BCL9L: variants seen among roughly 807,000 people sequenced by gnomAD.
BCL9L encodes BCL9 like, also known as B-cell CLL/lymphoma 9-like protein.
Under a neutral mutation model 99.4 loss-of-function variants are expected in BCL9L, and 19 were observed. The ratio of observed to expected loss-of-function variants is 0.19; its 90% CI spans 0.13 to 0.28. The LOEUF is 0.28. Among genes scored for constraint, BCL9L ranks in the 10% least tolerant of loss-of-function variants. The pLI is 1.00. For missense variants in BCL9L, 2,023 were observed against 2,101.6 expected, an observed-to-expected ratio of 0.96 and a Z score of 0.73; for synonymous variants, 900 against 854.8, an observed-to-expected ratio of 1.05 and a Z score of -0.92.
rs758843207 is a variant in BCL9L, at chr11:118,901,411, T to C, written c.2332A>G (p.Met778Val). Residue 778 changes from methionine to valine, a missense_variant, in exon 8 of 10, where the codon ATG (methionine) becomes GTG (valine). By Grantham distance (21) the Met-to-Val change is conservative. This residue lies in a region of BCL9L where 1,116 missense variants were observed against 1,194.6 expected (regional missense o/e 0.93). Transcript: ENST00000683865. This position sits in a 1 kb window ranked among gnomAD's most constrained non-coding sequence, Gnocchi z 6.6. The stretch of plus-strand genomic sequence containing the variant: ...ACGTTCAGGTTCATGTTCATGTTCA[T>C]GTTGACATTCATGTTCATGTTGAGG... Reference protein sequence around the residue: ...GNLNMNMNVNMNMNMNLNVQM... With the variant: ...GNLNMNMNVNVNMNMNLNVQM... 1 of 1,614,024 alleles carries C rather than the reference T, an allele frequency of 6.2e-7. No individual in the cohort carries two copies. The highest frequency in any genetic ancestry group is 1.3e-5 in the African/African-American group (1 of 75,038).
Position 118,896,885 on chromosome 11 carries a change from G to A in BCL9L, c.*1530C>T, listed in dbSNP as rs1939942112. ...AGGAAAGGAAGTGAGAAAAGGAGAA[G>A]TTTTTTTACTCCTGGGGCCAAAGTA... On this transcript the variant is annotated 3_prime_UTR_variant, in exon 10 of 10. Coordinates refer to ENST00000683865, the MANE Select transcript of BCL9L (RefSeq NM_001378213.1). 1 of 152,730 alleles carries A rather than the reference G, an allele frequency of 6.5e-6. No homozygotes were observed. The highest frequency in any genetic ancestry group is 6.5e-5 in the Admixed American group (1 of 15,292). 9.5% of individuals were successfully genotyped at this position (152,730 alleles called of 1,614,324 possible).
chr11:118,903,175 C>G lies in BCL9L; in HGVS notation c.749+61G>C. On this transcript the variant is annotated intron_variant, in intron 6 of 9. Transcript: ENST00000683865. The surrounding 1 kb of genome is among the most constrained non-coding windows in gnomAD (Gnocchi z 5.6). Reference sequence around the variant, plus strand: ...CCCTGCACGGGGCTCCCTCGGAACCCCAGGCTGAGAGGTGCTGGGCAGAGA... The same window carrying G: ...CCCTGCACGGGGCTCCCTCGGAACCGCAGGCTGAGAGGTGCTGGGCAGAGA... 1 of 1,569,010 alleles carries G rather than the reference C, an allele frequency of 6.4e-7. No homozygotes were observed. Among genetic ancestry groups the G allele is most frequent in the Non-Finnish European group, 8.6e-7 (1 of 1,156,822 alleles).
chr11:118,910,961 C>A, intron 2 of BCL9L: 1 of 257,902 alleles, frequency 3.9e-6, no homozygotes, highest in South Asian at 3.5e-5. Flanking sequence ...GAGCGGGAGG[C>A]GCGGAGACAG....
In BCL9L at chr11:118,899,943, G is replaced by C. The variant is rs139987150; in HGVS notation, c.3380C>G (p.Pro1127Arg). The C allele has an allele frequency of 5.0e-6, 8 of 1,611,760 alleles. No homozygotes were observed. The African/African-American group carries it at 5.3e-5, about 11-fold the overall frequency. The change falls in exon 9 of 10, where the codon CCA becomes CGA. Residue 1127 changes from proline (P) to arginine (R), a missense_variant. Pro to Arg is a moderately radical substitution (Grantham distance 103, BLOSUM62 -2). Transcript: ENST00000683865. Reference sequence around the variant, plus strand: ...TGGCCCGGAGCCCTGCGGTGGTGGTGGGGGGGGCAGCAGGGGCCGGTCGGG... The same window carrying C: ...TGGCCCGGAGCCCTGCGGTGGTGGTCGGGGGGGCAGCAGGGGCCGGTCGGG... ...LLPDRPLLPP[P>R]PPPQGSGPGI...
intron 1 of BCL9L, among the ~76,000 whole-genome samples, chr11:118,920,268 C>T (rs978155317): frequency 2.0e-5 from 3 of 152,300 alleles, no homozygotes; most frequent in Middle Eastern, 3.4e-3. Context: ...TCTGCTATCA[C>T]CGTCCTTGCT....
Position 118,902,702 on chromosome 11 carries a change from CCCA to C in BCL9L, c.1038_1040del (p.Gly347del). 6.3e-7 allele frequency: 1 copy of C among 1,599,018 alleles called. No individual in the cohort carries two copies. The highest frequency in any genetic ancestry group is 8.5e-7 in the Non-Finnish European group (1 of 1,179,636). On this transcript the variant is annotated inframe_deletion, in exon 8 of 10. Coordinates refer to ENST00000683865, the MANE Select transcript of BCL9L (RefSeq NM_001378213.1). This position sits in a 1 kb window ranked among gnomAD's most constrained non-coding sequence, Gnocchi z 7.8. ...GGGTGTTAGGGTGGGTGCCCCCAGT[CCCA>C]CCACCTGTGCTGGCAGCTCCCACCG...
At position 118,914,392 on chromosome 11, in the gene BCL9L, G is replaced by C. The variant is rs1041442745; in HGVS notation, c.-76-4377C>G. Among the ~76,000 whole-genome samples, 1 of 152,166 alleles carries C rather than the reference G, an allele frequency of 6.6e-6. No individual in the cohort carries two copies. Among genetic ancestry groups the C allele is most frequent in the African/African-American group, 2.4e-5 (1 of 41,426 alleles). On this transcript the variant is annotated intron_variant, in intron 2 of 9. Transcript: ENST00000683865. The surrounding 1 kb of genome is among the most constrained non-coding windows in gnomAD (Gnocchi z 4.4). ...GACCTCACCCAGCGCCCGCCCGCCT[G>C]CCTGCCTGCTCTGCTCTCTCCCCAG...
chr11:118,902,300 GC>G lies in BCL9L; in HGVS notation c.1442del (p.Gly481AlafsTer21). 1 of 1,568,658 alleles carries G rather than the reference GC, an allele frequency of 6.4e-7. No individual in the cohort carries two copies. On this transcript the variant is annotated frameshift_variant, in exon 8 of 10. Transcript: ENST00000683865. LOFTEE classifies it high-confidence loss of function. The surrounding 1 kb of genome is among the most constrained non-coding windows in gnomAD (Gnocchi z 7.8). ...SMISQTQSLGGPPLEHEVPGH... is the reference protein window; with the variant it reads ...SMISQTQSLGXPPLEHEVPGH... ...CAGGCACTTCATGCTCCAGCGGGGG[GC>G]CCCCTAGGCTCTGTGTCTGTGAAAT...
intron 2 of BCL9L, among the ~76,000 whole-genome samples, chr11:118,913,513 G>T (rs1192072753): frequency 6.6e-6 from 1 of 152,136 alleles, no homozygotes; most frequent in African/African-American, 2.4e-5. Context: ...TGGCAGTGGG[G>T]TGCCCCCAAA....
chr11:118,918,594 C>G (rs1941045633), intron 2 of BCL9L, among the ~76,000 whole-genome samples: 2 of 151,958 alleles, frequency 1.3e-5, no homozygotes, highest in South Asian at 4.2e-4. Context: ...GGCCCCACTC[C>G]CCACCTGACT....
At chr11:118,907,373 A>G in intron 5 of BCL9L, 110 bp downstream of exon 5, 9 of 1,554,714 alleles carry the variant, frequency 5.8e-6, no homozygotes, top group Non-Finnish European at 7.9e-6. Context: ...AGGATGGGAG[A>G]GAAAAATCCA....
chr11:118,910,167 A>C (rs1306690531), intron 2 of BCL9L, 152 bp from the exon 3 acceptor site: 1 of 595,566 alleles, frequency 1.7e-6, no homozygotes, highest in East Asian at 2.9e-5. Context: ...TGGGGTCTCG[A>C]TCCTGGAGGC....
chr11:118,907,748 GCCC>G, intron 4 of BCL9L, 146 bp from the exon 5 acceptor site: 1 of 1,279,120 alleles, frequency 7.8e-7, no homozygotes, highest in Non-Finnish European at 1.1e-6. Flanking sequence ...CCAGCCCGTG[GCCC>G]CCACCACGCC....
chr11:118,908,417 G>A lies in BCL9L; in HGVS notation c.265C>T (p.Pro89Ser), dbSNP rs1040329955. 1 of 1,614,072 alleles carries A rather than the reference G, an allele frequency of 6.2e-7. No individual in the cohort carries two copies. The highest frequency in any genetic ancestry group is 8.5e-7 in the Non-Finnish European group (1 of 1,179,942). The change falls in exon 4 of 10, where the codon CCT (proline) becomes TCT (serine). Residue 89 changes from proline to serine, a missense_variant. By Grantham distance (74) the Pro-to-Ser change is moderately conservative. This residue lies in a region of BCL9L where 1,116 missense variants were observed against 1,194.6 expected (regional missense o/e 0.93). Transcript: ENST00000683865. ...NHGAKANQIS[P>S]SNSSLKNPQA... ...GGGTTCTTCAGACTTGAGTTGCTAG[G>A]CGAGATCTGGTTGGCCTTGGCCCCA...
chr11:118,899,933 CGGT>C lies in BCL9L; in HGVS notation c.3387_3389del (p.Pro1130del). The C allele has an allele frequency of 1.2e-6, 2 of 1,612,952 alleles. No homozygotes were observed. Among genetic ancestry groups the C allele is most frequent in the Middle Eastern group, 1.7e-4 (1 of 5,994 alleles). On this transcript the variant is annotated inframe_deletion, in exon 9 of 10. Transcript: ENST00000683865. ...TCCTCGCACCTGGCCCGGAGCCCTG[CGGT>C]GGTGGTGGGGGGGGCAGCAGGGGCC...
At chr11:118,917,778 C>T (rs1205111244) in intron 2 of BCL9L, among the ~76,000 whole-genome samples, 1 of 152,206 alleles carries the variant, frequency 6.6e-6, no homozygotes, top group African/African-American at 2.4e-5. Flanking sequence ...CCCCCAGCCC[C>T]GCCCAACTCC....
chr11:118,906,767 C>T (rs535450855), intron 5 of BCL9L, among the ~76,000 whole-genome samples: 7 of 152,140 alleles, frequency 4.6e-5, no homozygotes, highest in South Asian at 2.1e-4. Flanking sequence ...AGCAATTCTC[C>T]GGTTTCAGCT....
Position 118,902,396 on chromosome 11 carries a change from A to AG in BCL9L, c.1346dup (p.Pro450SerfsTer17). 6.6e-6 allele frequency: 3 copies of AG among 453,406 alleles called. No homozygotes were observed. Among genetic ancestry groups the AG allele is most frequent in the Non-Finnish European group, 9.7e-6 (3 of 307,974 alleles). The allele number at this position is 453,406 out of a possible 1,614,324, so 28.1% of individuals were successfully genotyped here. On this transcript the variant is annotated frameshift_variant, in exon 8 of 10. Coordinates refer to ENST00000683865, the MANE Select transcript of BCL9L (RefSeq NM_001378213.1). LOFTEE classifies it high-confidence loss of function. This position sits in a 1 kb window ranked among gnomAD's most constrained non-coding sequence, Gnocchi z 7.8. Reference sequence around the variant, plus strand: ...GGGCCGTGGGTGGCTGCTGGGGGGGAGGGGGGGCTTGTGCTGGTGGGCCCC... The same window carrying AG: ...GGGCCGTGGGTGGCTGCTGGGGGGGAGGGGGGGGCTTGTGCTGGTGGGCCCC...
At chr11:118,904,080 G>T (rs1484479651) in intron 5 of BCL9L, among the ~76,000 whole-genome samples, 1 of 152,150 alleles carries the variant, frequency 6.6e-6, no homozygotes, top group Non-Finnish European at 1.5e-5. Flanking sequence ...TGCACAGGGG[G>T]CAGGCCAAAG....
Sources: gnomAD v4.1 joint callset for allele counts (sites outside exome capture counted in the v4.1 genomes callset) on GRCh38, gnomAD v4.1.1 for gene constraint, gnomAD v4.1.1 regional missense constraint, Gnocchi (gnomAD v3.1) non-coding constraint, MANE v1.5 for transcripts, NCBI Gene and HGNC (gene_info 2026-07-23, HGNC 2026-07-21) for gene names.